Variants in GRIP1 observed in about 807,000 individuals in gnomAD.
GRIP1 encodes glutamate receptor interacting protein 1.
In GRIP1, 45 loss-of-function variants were observed where a neutral mutation model predicts 129.9. The observed-to-expected ratio is 0.35, with a 90% CI of 0.27 to 0.44. The LOEUF is 0.44. Ranked by LOEUF, GRIP1 falls within the 20% of genes least tolerant of loss-of-function variation. The probability of loss-of-function intolerance (pLI) is 1.00; values close to 1 mark genes in which losing one functional copy is unlikely to be tolerated. For missense variants in GRIP1, 1,196 were observed against 1,396.8 expected (o/e 0.86, Z 2.29); for synonymous variants, 530 against 520.8 (o/e 1.02, Z -0.24).
intron 1 of GRIP1, among the ~76,000 whole-genome samples, chr12:66,626,174 AAAAC>A (rs1188580073): frequency 6.6e-6 from 1 of 152,046 alleles, no homozygotes; most frequent in Non-Finnish European, 1.5e-5. Flanking sequence ...AAAAATACAA[AAAAC>A]AAACAAAAAC....
chr12:67,012,944 A>G (rs2042732008), intron 1 of GRIP1, among the ~76,000 whole-genome samples: 1 of 152,236 alleles, frequency 6.6e-6, no homozygotes, highest in African/African-American at 2.4e-5. Context: ...GATATGCTGA[A>G]TAAATATAAC....
At chr12:67,069,212 G>C, upstream of GRIP1, 1 of 647,206 alleles carries the variant, frequency 1.5e-6, no homozygotes, top group Non-Finnish European at 1.9e-6. Context: ...AGCCGCGCCG[G>C]GGCTGTTCAG....
intron 1 of GRIP1, among the ~76,000 whole-genome samples, chr12:66,824,462 C>T (rs1394683419): frequency 2.0e-5 from 3 of 152,098 alleles, no homozygotes; most frequent in Admixed American, 6.6e-5. Context: ...TGACATAGCT[C>T]AGAGGATTTT....
chr12:66,908,694 G>A (rs918342993), intron 1 of GRIP1, among the ~76,000 whole-genome samples: 1 of 152,126 alleles, frequency 6.6e-6, no homozygotes, highest in African/African-American at 2.4e-5. Context: ...TAGACCAGAG[G>A]GAAAAAATGA....
chr12:67,008,923 GA>G (rs5798851), intron 1 of GRIP1, among the ~76,000 whole-genome samples: 121,345 of 151,752 alleles, frequency 0.8, 48,858 homozygotes, highest in African/African-American at 0.87. Context: ...CTTTCTCCAG[GA>G]AAAAAAAAGT....
At chr12:67,014,354 G>A (rs571413657) in intron 1 of GRIP1, among the ~76,000 whole-genome samples, 39 of 152,198 alleles carry the variant, frequency 2.6e-4, no homozygotes, top group Middle Eastern at 3.4e-3. Context: ...ATCATAACTG[G>A]TGGGGGCTAA....
intron 9 of GRIP1, among the ~76,000 whole-genome samples, chr12:66,460,855 T>G (rs1483867076): frequency 2.0e-5 from 3 of 152,240 alleles, no homozygotes; most frequent in Non-Finnish European, 4.4e-5. Context: ...ATTTTTTGTT[T>G]GTTTTTCTTC....
At chr12:66,936,945 T>C (rs529171907) in intron 1 of GRIP1, among the ~76,000 whole-genome samples, 2 of 152,184 alleles carry the variant, frequency 1.3e-5, no homozygotes, top group Non-Finnish European at 2.9e-5. Context: ...AATTTTCTCA[T>C]CAGTGAGTGG....
chr12:66,874,670 A>G (rs973860722), intron 1 of GRIP1, among the ~76,000 whole-genome samples: 3 of 152,014 alleles, frequency 2.0e-5, no homozygotes, highest in Non-Finnish European at 4.4e-5. Context: ...CAGGTGCTAC[A>G]CATTTTTAAA....
chr12:67,043,290 C>T (rs1228944422), intron 1 of GRIP1, among the ~76,000 whole-genome samples: 3 of 152,092 alleles, frequency 2.0e-5, no homozygotes, highest in African/African-American at 4.8e-5. Flanking sequence ...TAGGAGGAAT[C>T]GCTAAACTCT....
chr12:66,777,280 A>G (rs2038011829), intron 1 of GRIP1, among the ~76,000 whole-genome samples: 1 of 151,692 alleles, frequency 6.6e-6, no homozygotes, highest in South Asian at 2.1e-4. Flanking sequence ...CTGCTCCTCA[A>G]ATGTGACAGG....
chr12:66,885,196 C>A (rs758451293), intron 1 of GRIP1, among the ~76,000 whole-genome samples: 2 of 152,132 alleles, frequency 1.3e-5, no homozygotes, highest in African/African-American at 4.8e-5. Flanking sequence ...CCTGTTCAAC[C>A]GAAACTCTCA....
intron 8 of GRIP1, among the ~76,000 whole-genome samples, chr12:66,464,879 A>G (rs749593010): frequency 2.0e-5 from 3 of 151,792 alleles, no homozygotes. Flanking sequence ...AAGTGTGTGT[A>G]CATATGTATG....
intron 1 of GRIP1, among the ~76,000 whole-genome samples, chr12:67,038,936 A>C (rs558071487): frequency 4.6e-5 from 7 of 152,200 alleles, no homozygotes; most frequent in African/African-American, 1.2e-4. Context: ...AGTACTAGGC[A>C]AGGCCTAAAT....
At chr12:66,536,549 T>C (rs563593473) in intron 4 of GRIP1, among the ~76,000 whole-genome samples, 31 of 152,290 alleles carry the variant, frequency 2.0e-4, no homozygotes, top group African/African-American at 7.0e-4. Flanking sequence ...CAGAAATCCA[T>C]ACAACCAACT....
At chr12:66,785,313 TACATACATACATACATACATAC>T (rs1414599679) in intron 1 of GRIP1, among the ~76,000 whole-genome samples, 670 of 49,074 alleles carry the variant, frequency 0.014, 19 homozygotes, top group Middle Eastern at 0.096. Flanking sequence ...TTAACATACA[TACATACATACATACATACATAC>T]ATACATACAT....
At chr12:66,826,222 T>C (rs1300340228) in intron 1 of GRIP1, among the ~76,000 whole-genome samples, 1 of 152,140 alleles carries the variant, frequency 6.6e-6, no homozygotes, top group African/African-American at 2.4e-5. Context: ...AAACACCTCA[T>C]GTTCTCACTC....
intron 1 of GRIP1, among the ~76,000 whole-genome samples, chr12:67,052,494 T>A (rs1036962779): frequency 6.6e-6 from 1 of 152,166 alleles, no homozygotes; most frequent in South Asian, 2.1e-4. Flanking sequence ...GCGCAGTGAC[T>A]CATGCCTGTA....
chr12:66,865,703 A>G (rs931641038), intron 1 of GRIP1, among the ~76,000 whole-genome samples: 10 of 151,640 alleles, frequency 6.6e-5, no homozygotes, highest in East Asian at 3.9e-4. Context: ...TTCTATCTCT[A>G]TCTTCTTGTA....
Sources: gnomAD v4.1 joint callset for allele counts (sites outside exome capture counted in the v4.1 genomes callset) on GRCh38, gnomAD v4.1.1 for gene constraint, MANE v1.5 for transcripts, NCBI Gene and HGNC (gene_info 2026-07-23, HGNC 2026-07-21) for gene names.